Variants in PCDHGB4 observed in about 807,000 individuals in gnomAD.
PCDHGB4 encodes protocadherin gamma-B4.
A neutral mutation model predicts 60.5 loss-of-function variants in PCDHGB4; 38 were observed. That is an observed-to-expected ratio of 0.63 (90% confidence interval 0.48 to 0.82). PCDHGB4 has a LOEUF of 0.82. Among genes scored for constraint, PCDHGB4 ranks in the 40% least tolerant of loss-of-function variants. PCDHGB4 has a pLI of 0.00. For missense variants in PCDHGB4, 1,109 were observed against 1,209.6 expected (o/e 0.92, Z 1.23); for synonymous variants, 456 against 509.7 (o/e 0.89, Z 1.42).
intron 1 of PCDHGB4, among the ~76,000 whole-genome samples, chr5:141,397,274 G>A (rs565956732): frequency 6.6e-6 from 1 of 152,188 alleles, no homozygotes; most frequent in East Asian, 1.9e-4. Flanking sequence ...TACATCATAT[G>A]GGCAGTATAC....
chr5:141,432,073 C>T lies in PCDHGB4; in HGVS notation c.2397+41792C>T, dbSNP rs1276949951. On this transcript the variant is annotated intron_variant, in intron 1 of 3. Transcript: ENST00000519479. This position sits in a 1 kb window ranked among gnomAD's most constrained non-coding sequence, Gnocchi z 6.0. ...CGCCCCTATCCACGGAAACTCATAT[C>T]TCGCTGAACGTGGCAGACACCAACG... is the stretch of plus-strand genomic sequence containing the variant. 3.1e-6 allele frequency: 5 copies of T among 1,614,208 alleles called. No homozygotes were observed. Among genetic ancestry groups the T allele is most frequent in the Non-Finnish European group, 4.2e-6 (5 of 1,180,040 alleles).
chr5:141,427,974 G>T, intron 1 of PCDHGB4: 1 of 1,594,576 alleles, frequency 6.3e-7, no homozygotes, highest in South Asian at 1.1e-5. Flanking sequence ...GCTGTACCCC[G>T]CGCTGGGGCC....
intron 1 of PCDHGB4, among the ~76,000 whole-genome samples, chr5:141,459,546 C>T (rs575349914): frequency 9.9e-5 from 15 of 152,102 alleles, no homozygotes; most frequent in African/African-American, 3.6e-4. Flanking sequence ...TTTTTTATTT[C>T]TCTTGGATAA....
rs185280755 is a variant in PCDHGB4 at position 141,476,824 on chromosome 5, C to T, written c.2398-17983C>T. Reference sequence around the variant, plus strand: ...TGCCTATTCACATCAAGGTGCTGGACGCGAATGACAATGCGCCTGTCTTCA... The same window carrying T: ...TGCCTATTCACATCAAGGTGCTGGATGCGAATGACAATGCGCCTGTCTTCA... On this transcript the variant is annotated intron_variant, in intron 1 of 3. Transcript: ENST00000519479. This position sits in a 1 kb window ranked among gnomAD's most constrained non-coding sequence, Gnocchi z 7.6. 24 of 1,613,588 alleles carry T rather than the reference C, an allele frequency of 1.5e-5. No homozygotes were observed. The East Asian group carries it at 4.5e-4, about 30-fold the overall frequency.
chr5:141,476,697 C>T lies in PCDHGB4; in HGVS notation c.2398-18110C>T, dbSNP rs758302668. The T allele has an allele frequency of 2.5e-6, 4 of 1,614,110 alleles. No individual in the cohort carries two copies. The highest frequency in any genetic ancestry group is 2.2e-5 in the South Asian group (2 of 91,088). The stretch of plus-strand genomic sequence containing the variant: ...ACGCGGGAGGACAGCACCAAGTACG[C>T]GGAGCTGGTGTTGGAGCGCGCCCTG... On this transcript the variant is annotated intron_variant, in intron 1 of 3. Coordinates refer to ENST00000519479, the MANE Select transcript of PCDHGB4 (RefSeq NM_003736.4). The surrounding 1 kb of genome is among the most constrained non-coding windows in gnomAD (Gnocchi z 7.6).
At position 141,409,019 on chromosome 5, in the gene PCDHGB4, G is replaced by T; in HGVS notation, c.2397+18738G>T. 2.5e-6 allele frequency: 4 copies of T among 1,613,996 alleles called. No homozygotes were observed. The South Asian group carries it at 3.3e-5, about 13-fold the overall frequency. On this transcript the variant is annotated intron_variant, in intron 1 of 3. Coordinates refer to ENST00000519479, the MANE Select transcript of PCDHGB4 (RefSeq NM_003736.4). The stretch of plus-strand genomic sequence containing the variant: ...GACAGCCACTGACCAGGATGAGGGG[G>T]TCAATGCTGAGATAAACTACTACTT...
intron 1 of PCDHGB4, among the ~76,000 whole-genome samples, chr5:141,451,108 G>A (rs1484218835): frequency 3.3e-5 from 5 of 151,860 alleles, no homozygotes; most frequent in South Asian, 2.1e-4. Flanking sequence ...GATTACAGGC[G>A]TGAGCCACCA....
At chr5:141,427,100 T>G (rs1270371842) in intron 1 of PCDHGB4, 1 of 458,010 alleles carries the variant, frequency 2.2e-6, no homozygotes, top group Non-Finnish European at 4.4e-6. Flanking sequence ...AGGGTGTCAA[T>G]GCGGAGATCA....
intron 2 of PCDHGB4, among the ~76,000 whole-genome samples, chr5:141,502,253 T>C (rs1331834149): frequency 6.6e-6 from 1 of 152,232 alleles, no homozygotes; most frequent in South Asian, 2.1e-4. Context: ...TTTTTTTTAA[T>C]CCAGGATTTT....
In PCDHGB4 at chr5:141,433,056, G is replaced by T. The variant is rs1422450948; in HGVS notation, c.2397+42775G>T. ...TCCCTCACCACGGACTCGCGGAAGA[G>T]TCACCTGATCTTCCCCCAGCCCAAC... On this transcript the variant is annotated intron_variant, in intron 1 of 3. Coordinates refer to ENST00000519479, the MANE Select transcript of PCDHGB4 (RefSeq NM_003736.4). The T allele has an allele frequency of 6.8e-6, 11 of 1,614,086 alleles. No homozygotes were observed. In the South Asian group the frequency reaches 1.1e-4, roughly 16 times the overall value.
chr5:141,490,405 ATC>A lies in PCDHGB4; in HGVS notation c.2398-4397_2398-4396del, dbSNP rs765446736. 1 of 1,614,142 alleles carries A rather than the reference ATC, an allele frequency of 6.2e-7. No individual in the cohort carries two copies. The highest frequency in any genetic ancestry group is 8.5e-7 in the Non-Finnish European group (1 of 1,180,028). ...TAGAAATGGTGAAGTGAGCCTTGATATCTCTCCGGACCTGCCATTTCAGATTA... is the reference window on the plus strand; with the variant it reads ...TAGAAATGGTGAAGTGAGCCTTGATATCTCCGGACCTGCCATTTCAGATTA... On this transcript the variant is annotated intron_variant, in intron 1 of 3. Transcript: ENST00000519479. The surrounding 1 kb of genome is among the most constrained non-coding windows in gnomAD (Gnocchi z 5.4).
chr5:141,509,447 C>T (rs898280593), intron 3 of PCDHGB4, among the ~76,000 whole-genome samples: 2 of 152,128 alleles, frequency 1.3e-5, no homozygotes, highest in Admixed American at 6.5e-5. Context: ...CCTCCTCTCC[C>T]ACCCCCGACC....
In PCDHGB4 at chr5:141,408,711, A is replaced by T. The variant is rs763392682; in HGVS notation, c.2397+18430A>T. The T allele has an allele frequency of 9.3e-6, 15 of 1,612,568 alleles. No homozygotes were observed. In the East Asian group the frequency reaches 3.3e-4, roughly 36 times the overall value. On this transcript the variant is annotated intron_variant, in intron 1 of 3. Transcript: ENST00000519479. The stretch of plus-strand genomic sequence containing the variant: ...ATAAACATAAACTCAATTAAAGATT[A>T]TAAGATAAACTCTAATCCTTATTTT...
At chr5:141,423,562 AC>A in intron 1 of PCDHGB4, 1 of 1,613,612 alleles carries the variant, frequency 6.2e-7, no homozygotes, top group Non-Finnish European at 8.5e-7. Flanking sequence ...CTATGGGGAC[AC>A]GCTCATCAGC....
At position 141,389,390 on chromosome 5, in the gene PCDHGB4, C is replaced by A. The variant is rs759786018; in HGVS notation, c.1506C>A (p.Tyr502Ter). 1 of 1,613,718 alleles carries A rather than the reference C, an allele frequency of 6.2e-7. No individual in the cohort carries two copies. The highest frequency in any genetic ancestry group is 8.5e-7 in the Non-Finnish European group (1 of 1,179,902). Reference sequence around the variant, plus strand: ...TGGAGCAGCGGGAGCTGTCATCCTACGTGTCCATAAGCGCGGAGAGCGGGG... The same window carrying A: ...TGGAGCAGCGGGAGCTGTCATCCTAAGTGTCCATAAGCGCGGAGAGCGGGG... ...SDLEQRELSS[Y>*]VSISAESGVV... Residue 502 changes from tyrosine to a stop codon, truncating the protein, a stop_gained, in exon 1 of 4, where the codon TAC (tyrosine) becomes TAA (stop). Transcript: ENST00000519479. LOFTEE classifies it high-confidence loss of function.
In PCDHGB4 at chr5:141,487,774, C is replaced by T. The variant is rs1272776899; in HGVS notation, c.2398-7033C>T. 2.0e-6 allele frequency: 3 copies of T among 1,534,064 alleles called. 1 individual carries two copies. The highest frequency in any genetic ancestry group is 2.6e-6 in the Non-Finnish European group (3 of 1,135,588). On this transcript the variant is annotated intron_variant, in intron 1 of 3. Transcript: ENST00000519479. The surrounding 1 kb of genome is among the most constrained non-coding windows in gnomAD (Gnocchi z 5.0). Reference sequence around the variant, plus strand: ...ATGTGGTAGACGCTGTGCTTTGTAACTGTTTCGTGAATTAACCAGAGTTGT... The same window carrying T: ...ATGTGGTAGACGCTGTGCTTTGTAATTGTTTCGTGAATTAACCAGAGTTGT...
chr5:141,390,486 G>GT (rs2092161053), intron 1 of PCDHGB4: 4 of 649,376 alleles, frequency 6.2e-6, no homozygotes, highest in Non-Finnish European at 7.7e-6. Flanking sequence ...ACATTTGTTT[G>GT]TTTTTTAGCC....
chr5:141,394,208 C>A (rs972602841), intron 1 of PCDHGB4: 6 of 1,613,930 alleles, frequency 3.7e-6, no homozygotes, highest in Non-Finnish European at 5.1e-6. Context: ...TAGAGAACAA[C>A]CTGAGAGGAG....
chr5:141,467,296 A>G lies in PCDHGB4; in HGVS notation c.2398-27511A>G, dbSNP rs1032802325. Among the ~76,000 whole-genome samples the G allele has an allele frequency of 6.6e-5, 10 of 151,858 alleles. No individual in the cohort carries two copies. The East Asian group carries it at 9.7e-4, about 15-fold the overall frequency. On this transcript the variant is annotated intron_variant, in intron 1 of 3. Transcript: ENST00000519479. The stretch of plus-strand genomic sequence containing the variant: ...TCGAACTCTTGACCTCAAGTGATCC[A>G]CTCACCTCGGCCTCCCACAGTGCTG...
Sources: gnomAD v4.1 joint callset for allele counts (sites outside exome capture counted in the v4.1 genomes callset) on GRCh38, gnomAD v4.1.1 for gene constraint, Gnocchi (gnomAD v3.1) non-coding constraint, MANE v1.5 for transcripts, NCBI Gene and HGNC (gene_info 2026-07-23, HGNC 2026-07-21) for gene names.